PI4KB: variants seen among roughly 807,000 people sequenced by gnomAD.
PI4KB encodes phosphatidylinositol 4-kinase beta.
PI4KB carries 23 observed loss-of-function variants against 81.4 expected under a neutral mutation model. That is an observed-to-expected ratio of 0.28 (90% CI 0.20 to 0.40). The LOEUF is 0.40. Ranked by LOEUF, PI4KB falls within the 10% of genes least tolerant of loss-of-function variation. The probability of loss-of-function intolerance (pLI) is 1.00; values close to 1 mark genes in which losing one functional copy is unlikely to be tolerated. For missense variants in PI4KB, 651 were observed against 1,036.6 expected (o/e 0.63, Z 5.11); for synonymous variants, 381 against 406.8 (o/e 0.94, Z 0.76).
intron 9 of PI4KB, among the ~76,000 whole-genome samples, chr1:151,295,526 C>T (rs1159184240): frequency 6.6e-6 from 1 of 152,162 alleles, no homozygotes; most frequent in Non-Finnish European, 1.5e-5. Flanking sequence ...ATTTACTTGC[C>T]CAAGGTGCCA....
At position 151,298,939 on chromosome 1, in the gene PI4KB, G is replaced by C; in HGVS notation, c.1884C>G (p.Leu628=). 6.2e-7 allele frequency: 1 copy of C among 1,614,178 alleles called. No homozygotes were observed. The highest frequency in any genetic ancestry group is 8.5e-7 in the Non-Finnish European group (1 of 1,180,028). The change falls in exon 9 of 12, where the codon CTC becomes CTG. Residue 628 remains leucine (L), a synonymous_variant. Transcript: ENST00000368873. ...CCTGTAGGAAGTAATCGAGCAAGGA[G>C]AGCTGTGACTGTTTCTTCACCTGAT... The part of the protein sequence containing the change: ...SIHQVKKQSQ[L]SLLDYFLQEH...
Position 151,316,478 on chromosome 1 carries a change from C to T in PI4KB, c.4G>A (p.Gly2Arg), listed in dbSNP as rs765405242. The T allele has an allele frequency of 2.0e-6, 3 of 1,521,280 alleles. No homozygotes were observed. Among genetic ancestry groups the T allele is most frequent in the Non-Finnish European group, 2.6e-6 (3 of 1,136,630 alleles). 94.2% of individuals were successfully genotyped at this position (1,521,280 alleles called of 1,614,324 possible). A position where few individuals can be genotyped will look rare whatever the true frequency, so the allele number is the denominator to read the frequency against. The change falls in exon 2 of 12, where the codon GGA becomes AGA. Residue 2 changes from glycine (G) to arginine (R), a missense_variant. Gly to Arg is a moderately radical substitution (Grantham distance 125). This residue lies in a region of PI4KB where 314 missense variants were observed against 397.8 expected (regional missense o/e 0.79). Coordinates refer to ENST00000368873, the MANE Select transcript of PI4KB (RefSeq NM_001369623.2). Reference sequence around the variant, plus strand: ...GGGGCAGGCTCCACTACTGTATCTCCCATGGCCACAGCCAGACTTCGAGCT... The same window carrying T: ...GGGGCAGGCTCCACTACTGTATCTCTCATGGCCACAGCCAGACTTCGAGCT... M[G>R]DTVVEPAPLK... is the part of the protein sequence containing the mutation.
intron 2 of PI4KB, among the ~76,000 whole-genome samples, chr1:151,314,217 C>A (rs1647555823): frequency 6.6e-6 from 1 of 152,230 alleles, no homozygotes; most frequent in Non-Finnish European, 1.5e-5. Context: ...GGGTTATATG[C>A]CCCACAGAGG....
rs760216451 is a variant in PI4KB at position 151,301,845 on chromosome 1, T to C, written c.1748A>G (p.Gln583Arg). The C allele has an allele frequency of 1.9e-5, 31 of 1,613,800 alleles. No homozygotes were observed. Among genetic ancestry groups the C allele is most frequent in the Non-Finnish European group, 2.6e-5 (31 of 1,179,886 alleles). ...TGGCCTCTCCTTCTCTTCTCTTACC[T>C]GCAGTTGCTTCAACACCTGAAAGGC... ...LLAFQVLKQLQSIWEQERVPL... is the reference protein window; with the variant it reads ...LLAFQVLKQLRSIWEQERVPL... Residue 583 changes from glutamine (Q) to arginine (R), a missense_variant and splice_region_variant, in exon 8 of 12, where the codon CAG becomes CGG. Gln to Arg is a conservative substitution (Grantham distance 43, BLOSUM62 1). Transcript: ENST00000368873.
intron 4 of PI4KB, among the ~76,000 whole-genome samples, chr1:151,306,820 T>G (rs938670116): frequency 6.6e-6 from 1 of 152,196 alleles, no homozygotes; most frequent in Non-Finnish European, 1.5e-5. Flanking sequence ...CTCACGCCTG[T>G]AATCCTAGCA....
chr1:151,315,860 A>G lies in PI4KB; in HGVS notation c.622T>C (p.Phe208Leu), dbSNP rs1278412664. ...IVHRCRQSINFSLQCALLLGA... is the reference protein window; with the variant it reads ...IVHRCRQSINLSLQCALLLGA... ...AGCAACAGGGCACACTGGAGGGAAAAGTTAATGCTCTGGCGGCAACGGTGG... is the reference window on the plus strand; with the variant it reads ...AGCAACAGGGCACACTGGAGGGAAAGGTTAATGCTCTGGCGGCAACGGTGG... Residue 208 changes from phenylalanine to leucine, a missense_variant, in exon 2 of 12, where the codon TTT becomes CTT. This residue lies in a region of PI4KB where 314 missense variants were observed against 397.8 expected (regional missense o/e 0.79). Coordinates refer to ENST00000368873, the MANE Select transcript of PI4KB (RefSeq NM_001369623.2). The G allele has an allele frequency of 6.2e-7, 1 of 1,613,966 alleles. No individual in the cohort carries two copies. Among genetic ancestry groups the G allele is most frequent in the Non-Finnish European group, 8.5e-7 (1 of 1,180,008 alleles).
chr1:151,303,755 A>C, intron 5 of PI4KB, 105 bp from the exon 6 acceptor site: 4 of 782,172 alleles, frequency 5.1e-6, no homozygotes, highest in Middle Eastern at 3.2e-4. Context: ...CTCTCTTTCA[A>C]ACTCTGCTTA....
rs1695493027 is a variant in PI4KB at position 151,303,665 on chromosome 1, G to A, written c.1411-15C>T. 1 of 1,561,430 alleles carries A rather than the reference G, an allele frequency of 6.4e-7. No homozygotes were observed. Among genetic ancestry groups the A allele is most frequent in the Non-Finnish European group, 8.8e-7 (1 of 1,132,144 alleles). On this transcript the variant is annotated splice_polypyrimidine_tract_variant and intron_variant, in intron 5 of 11. Coordinates refer to ENST00000368873, the MANE Select transcript of PI4KB (RefSeq NM_001369623.2). ...ACTTCGGGGAGCTGGAGAAAGGGGA[G>A]TGCTGGTCAGAAGTGCTAAAGTATA...
intron 3 of PI4KB, among the ~76,000 whole-genome samples, chr1:151,309,255 T>C (rs1393837011): frequency 1.3e-5 from 2 of 152,186 alleles, no homozygotes; most frequent in Admixed American, 6.5e-5. Context: ...AAGGACCCTC[T>C]ACCCCACCCA....
At chr1:151,320,110 T>C (rs1000623136) in intron 1 of PI4KB, among the ~76,000 whole-genome samples, 1 of 152,210 alleles carries the variant, frequency 6.6e-6, no homozygotes, top group Non-Finnish European at 1.5e-5. Flanking sequence ...CTTGGCTCAC[T>C]GCAAGCTCCG....
At position 151,307,515 on chromosome 1, in the gene PI4KB, G is replaced by C; in HGVS notation, c.1182+59C>G. On this transcript the variant is annotated intron_variant, in intron 4 of 11. Transcript: ENST00000368873. ...CTCACTGGTCATACACGCAAACTCT[G>C]AACAACCATGGGTGAAGAGTCACGT... The C allele has an allele frequency of 3.4e-6, 4 of 1,185,264 alleles. 1 individual carries two copies. In the South Asian group the frequency reaches 5.1e-5, roughly 15 times the overall value. The allele number at this position is 1,185,264 out of a possible 1,614,324, so 73.4% of individuals were successfully genotyped here.
intron 3 of PI4KB, among the ~76,000 whole-genome samples, chr1:151,309,047 G>A (rs1696007092): frequency 1.3e-5 from 2 of 152,244 alleles, no homozygotes; most frequent in South Asian, 2.1e-4. Flanking sequence ...GGGACTGAAA[G>A]AGGGTGTCTG....
At position 151,316,175 on chromosome 1, in the gene PI4KB, C is replaced by T. The variant is rs1164989729; in HGVS notation, c.307G>A (p.Glu103Lys). 1 of 1,614,084 alleles carries T rather than the reference C, an allele frequency of 6.2e-7. No homozygotes were observed. Residue 103 changes from glutamate to lysine, a missense_variant, in exon 2 of 12, where the codon GAG becomes AAG. By Grantham distance (56) the Glu-to-Lys change is moderately conservative (BLOSUM62 1). Around this residue, in one of 5 missense-constraint regions of PI4KB, gnomAD observed 314 missense variants for 397.8 expected, o/e 0.79. Coordinates refer to ENST00000368873, the MANE Select transcript of PI4KB (RefSeq NM_001369623.2). ...PPAQIREEEDEMGAAVASGTA... is the reference protein window; with the variant it reads ...PPAQIREEEDKMGAAVASGTA... Reference sequence around the variant, plus strand: ...CCTGAGGCCACAGCGGCCCCCATCTCATCTTCCTCCTCCCTGATCTGGGCA... The same window carrying T: ...CCTGAGGCCACAGCGGCCCCCATCTTATCTTCCTCCTCCCTGATCTGGGCA...
At position 151,298,853 on chromosome 1, in the gene PI4KB, C is replaced by G; in HGVS notation, c.1970G>C (p.Cys657Ser). 6.2e-7 allele frequency: 1 copy of G among 1,614,186 alleles called. No individual in the cohort carries two copies. Among genetic ancestry groups the G allele is most frequent in the Non-Finnish European group, 8.5e-7 (1 of 1,180,012 alleles). ...LSAQRNFVQSCAGYCLVCYLL... is the reference protein window; with the variant it reads ...LSAQRNFVQSSAGYCLVCYLL... ...GTAGCAGACCAAGCAGTACCCAGCACAACTTTGCACAAAATTGCGCTGTGC... is the reference window on the plus strand; with the variant it reads ...GTAGCAGACCAAGCAGTACCCAGCAGAACTTTGCACAAAATTGCGCTGTGC... The change falls in exon 9 of 12, where the codon TGT becomes TCT. Residue 657 changes from cysteine (C) to serine (S), a missense_variant. Transcript: ENST00000368873.
At chr1:151,293,440 T>C in intron 11 of PI4KB, 1 of 1,244,448 alleles carries the variant, frequency 8.0e-7, no homozygotes, top group Non-Finnish European at 1.0e-6. Flanking sequence ...CAGATGGGGA[T>C]GATCCTGAGC....
chr1:151,304,223 A>G (rs942221129), intron 5 of PI4KB, among the ~76,000 whole-genome samples: 1 of 152,082 alleles, frequency 6.6e-6, no homozygotes, highest in African/African-American at 2.4e-5. Context: ...TTTGTCACCT[A>G]GTACACACTG....
intron 9 of PI4KB, among the ~76,000 whole-genome samples, chr1:151,296,536 T>C (rs1272266378): frequency 6.6e-6 from 1 of 151,704 alleles, no homozygotes; most frequent in Non-Finnish European, 1.5e-5. Flanking sequence ...AATGGTGCGA[T>C]CTTGGCTCAC....
rs1695738995 is a variant in PI4KB, at chr1:151,306,181, A to G, written c.1365T>C (p.Asp455=). 1.9e-6 allele frequency: 3 copies of G among 1,614,020 alleles called. No homozygotes were observed. Among genetic ancestry groups the G allele is most frequent in the East Asian group, 2.2e-5 (1 of 44,878 alleles). ...TGTCATCCACCGACCAGGCCTCATC[A>G]TCGTTGTCATAGTTGGGCACAGTGC... ...SFSTVPNYDN[D]DEAWSVDDIG... Residue 455 remains aspartate (D), a synonymous_variant, in exon 5 of 12, where the codon GAT becomes GAC. Coordinates refer to ENST00000368873, the MANE Select transcript of PI4KB (RefSeq NM_001369623.2).
intron 8 of PI4KB, among the ~76,000 whole-genome samples, chr1:151,299,429 C>T (rs1325845247): frequency 2.6e-5 from 4 of 152,134 alleles, no homozygotes; most frequent in African/African-American, 9.7e-5. Context: ...TGCTTGTAAT[C>T]CCAGCACTCT....
Sources: gnomAD v4.1 joint callset for allele counts (sites outside exome capture counted in the v4.1 genomes callset) on GRCh38, gnomAD v4.1.1 for gene constraint, gnomAD v4.1.1 regional missense constraint, MANE v1.5 for transcripts, NCBI Gene and HGNC (gene_info 2026-07-23, HGNC 2026-07-21) for gene names.